Variants in GDF10 observed in about 807,000 individuals in gnomAD.
GDF10 encodes growth differentiation factor 10.
Under a neutral mutation model 32.1 loss-of-function variants are expected in GDF10, and 23 were observed. That is an observed-to-expected ratio of 0.72 (90% CI 0.52 to 1.02). The LOEUF is 1.02. Ranked by LOEUF, GDF10 falls within the 50% of genes least tolerant of loss-of-function variation. GDF10 has a pLI of 0.00. For missense variants in GDF10, 764 were observed against 673.9 expected (o/e 1.13, Z -1.48); for synonymous variants, 328 against 303.1 (o/e 1.08, Z -0.85).
In GDF10 at chr10:47,305,254, C is replaced by T. The variant is rs572452487; in HGVS notation, c.319+4284C>T. ...TTCCTGAGGCCATAACTGTTCTGAG[C>T]CCTTGCTGGGTGCCAGGCACAGTGC... On this transcript the variant is annotated intron_variant, in intron 1 of 2. Transcript: ENST00000580279. Among the ~76,000 whole-genome samples the T allele has an allele frequency of 6.6e-5, 10 of 152,314 alleles. No homozygotes were observed. In the South Asian group the frequency reaches 2.1e-3, roughly 32 times the overall value.
At chr10:47,306,838 A>G (rs544318618) in intron 1 of GDF10, among the ~76,000 whole-genome samples, 1 of 152,264 alleles carries the variant, frequency 6.6e-6, no homozygotes, top group Admixed American at 6.5e-5. Flanking sequence ...TGGAAGGAGA[A>G]GAACGCCAGT....
chr10:47,310,661 C>G lies in GDF10; in HGVS notation c.1185C>G (p.Ile395Met). Residue 395 changes from isoleucine to methionine, a missense_variant, in exon 2 of 3, where the codon ATC (isoleucine) becomes ATG (methionine). Ile to Met is a conservative substitution (Grantham distance 10). Coordinates refer to ENST00000580279, the MANE Select transcript of GDF10 (RefSeq NM_004962.5). Reference protein sequence around the residue: ...FADIGWNEWIISPKSFDAYYC... With the variant: ...FADIGWNEWIMSPKSFDAYYC... The stretch of plus-strand genomic sequence containing the variant: ...ACATCGGCTGGAATGAATGGATAAT[C>G]TCACCGAAATCTTTTGATGCCTACT... 1 of 1,614,090 alleles carries G rather than the reference C, an allele frequency of 6.2e-7. No homozygotes were observed. The highest frequency in any genetic ancestry group is 8.5e-7 in the Non-Finnish European group (1 of 1,179,922).
Position 47,310,107 on chromosome 10 carries a change from A to G in GDF10, c.631A>G (p.Lys211Glu). 4.3e-6 allele frequency: 7 copies of G among 1,609,464 alleles called. No homozygotes were observed. Among genetic ancestry groups the G allele is most frequent in the Non-Finnish European group, 5.9e-6 (7 of 1,179,028 alleles). The change falls in exon 2 of 3, where the codon AAG becomes GAG. Residue 211 changes from lysine to glutamate, a missense_variant. Coordinates refer to ENST00000580279, the MANE Select transcript of GDF10 (RefSeq NM_004962.5). Reference protein sequence around the residue: ...WQAKDISPIVKAARRDGELLL... With the variant: ...WQAKDISPIVEAARRDGELLL... ...GGCCAAGGACATCTCCCCCATCGTC[A>G]AGGCGGCCCGCCGGGATGGCGAGCT...
rs34420310 is a variant in GDF10, at chr10:47,300,695, A to AGCTGCTGCT, written c.56_64dup (p.Leu19_Leu21dup). ...CGGACCAGCCCGGGACCCGGGCCCC[A>AGCTGCTGCT]GCTGCTGCTGCTGCTGCTGCCGTTG... On this transcript the variant is annotated inframe_insertion, in exon 1 of 3. Coordinates refer to ENST00000580279, the MANE Select transcript of GDF10 (RefSeq NM_004962.5). The AGCTGCTGCT allele has an allele frequency of 5.0e-6, 8 of 1,600,384 alleles. No homozygotes were observed. The highest frequency in any genetic ancestry group is 6.8e-6 in the Non-Finnish European group (8 of 1,175,672).
intron 1 of GDF10, among the ~76,000 whole-genome samples, chr10:47,305,295 C>T (rs1387523010): frequency 6.6e-6 from 1 of 152,166 alleles, no homozygotes; most frequent in African/African-American, 2.4e-5. Context: ...GTGCGCTCTG[C>T]AGAGCTGATC....
At position 47,312,683 on chromosome 10, in the gene GDF10, G is replaced by A; in HGVS notation, c.1328G>A (p.Cys443Tyr). The change falls in exon 3 of 3, where the codon TGT becomes TAT. Residue 443 changes from cysteine to tyrosine, a missense_variant. By Grantham distance (194) the Cys-to-Tyr change is radical. Transcript: ENST00000580279. The part of the protein sequence containing the change: ...GIIPGIPEPC[C>Y]VPDKMNSLGV... ...ATCCCTGGCATCCCAGAGCCCTGCT[G>A]TGTTCCCGATAAGATGAACTCCCTT... 1 of 1,611,230 alleles carries A rather than the reference G, an allele frequency of 6.2e-7. No homozygotes were observed. Among genetic ancestry groups the A allele is most frequent in the Non-Finnish European group, 8.5e-7 (1 of 1,178,366 alleles).
Position 47,310,023 on chromosome 10 carries a change from A to G in GDF10, c.547A>G (p.Thr183Ala), listed in dbSNP as rs781881084. The G allele has an allele frequency of 1.2e-6, 2 of 1,608,422 alleles. No individual in the cohort carries two copies. The highest frequency in any genetic ancestry group is 8.5e-7 in the Non-Finnish European group (1 of 1,177,514). ...CCGCAGCCTCTCGCAGAACACGGCC[A>G]CACAGGGGCTACTCCGCGGGGCCAT... ...LFRSLSQNTA[T>A]QGLLRGAMAL... The change falls in exon 2 of 3, where the codon ACA becomes GCA. Residue 183 changes from threonine (T) to alanine (A), a missense_variant. By Grantham distance (58) the Thr-to-Ala change is moderately conservative. Coordinates refer to ENST00000580279, the MANE Select transcript of GDF10 (RefSeq NM_004962.5).
In GDF10 at chr10:47,300,214, C is replaced by G. The variant is rs894235494; in HGVS notation, c.-438C>G. On this transcript the variant is annotated 5_prime_UTR_variant, in exon 1 of 3. Transcript: ENST00000580279. ...ACGCTGCCACACACGGGCGCACGCA[C>G]ACGGCAGCCGGGCCAGGGACGACCC... Among the ~76,000 whole-genome samples, 1 of 151,692 alleles carries G rather than the reference C, an allele frequency of 6.6e-6. No individual in the cohort carries two copies. Among genetic ancestry groups the G allele is most frequent in the African/African-American group, 2.4e-5 (1 of 41,388 alleles).
intron 2 of GDF10, among the ~76,000 whole-genome samples, chr10:47,312,140 G>A (rs1045511618): frequency 5.3e-5 from 8 of 152,196 alleles, no homozygotes; most frequent in Non-Finnish European, 7.3e-5. Flanking sequence ...ACACTGCCAC[G>A]CACATGCCAG....
In GDF10 at chr10:47,309,932, G is replaced by A. The variant is rs782091841; in HGVS notation, c.456G>A (p.Pro152=). Residue 152 remains proline (P), a synonymous_variant, in exon 2 of 3, where the codon CCG becomes CCA. Coordinates refer to ENST00000580279, the MANE Select transcript of GDF10 (RefSeq NM_004962.5). ...WPRALEVLCK[P]RAKNASGRPL... ...GAGCGCTCGAGGTGCTATGCAAGCC[G>A]CGGGCCAAGAACGCTTCAGGCCGCC... 4 of 1,612,752 alleles carry A rather than the reference G, an allele frequency of 2.5e-6. No individual in the cohort carries two copies. Among genetic ancestry groups the A allele is most frequent in the African/African-American group, 1.3e-5 (1 of 74,928 alleles).
intron 2 of GDF10, 31 bp from the exon 3 acceptor site, chr10:47,312,570 G>A: frequency 2.7e-6 from 4 of 1,493,958 alleles, no homozygotes; most frequent in South Asian, 1.3e-5. Context: ...GGGCGGAGCT[G>A]AGGTAACCCT....
At chr10:47,311,733 T>C (rs1312981411) in intron 2 of GDF10, among the ~76,000 whole-genome samples, 4 of 152,316 alleles carry the variant, frequency 2.6e-5, no homozygotes, top group African/African-American at 7.2e-5. Context: ...TGGTTGGCCA[T>C]GCGGTTAGCT....
intron 1 of GDF10, among the ~76,000 whole-genome samples, chr10:47,306,833 G>A (rs1555207215): frequency 6.6e-6 from 1 of 152,182 alleles, no homozygotes; most frequent in Non-Finnish European, 1.5e-5. Context: ...CATGTTGGAA[G>A]GAGAAGAACG....
Position 47,310,439 on chromosome 10 carries a change from C to G in GDF10, c.963C>G (p.His321Gln), listed in dbSNP as rs2061041266. ...PRAHAQHFHK[H>Q]QLWPSPFRAL... is the part of the protein sequence containing the mutation. ...CCCACGCACAGCACTTCCACAAGCACCAGCTGTGGCCCAGCCCCTTCCGGG... is the reference window on the plus strand; with the variant it reads ...CCCACGCACAGCACTTCCACAAGCAGCAGCTGTGGCCCAGCCCCTTCCGGG... The change falls in exon 2 of 3, where the codon CAC becomes CAG. Residue 321 changes from histidine (H) to glutamine (Q), a missense_variant. Coordinates refer to ENST00000580279, the MANE Select transcript of GDF10 (RefSeq NM_004962.5). 1.2e-6 allele frequency: 2 copies of G among 1,613,144 alleles called. No individual in the cohort carries two copies. Among genetic ancestry groups the G allele is most frequent in the Admixed American group, 1.7e-5 (1 of 59,990 alleles).
intron 1 of GDF10, 113 bp from the exon 2 acceptor site, chr10:47,309,683 G>T (rs2061035906): frequency 2.9e-6 from 2 of 686,280 alleles, no homozygotes; most frequent in East Asian, 2.5e-5. Flanking sequence ...CGGGGGAGGA[G>T]GATGGTCCTG....
At chr10:47,307,933 C>G (rs2607873) in intron 1 of GDF10, among the ~76,000 whole-genome samples, 103,816 of 152,106 alleles carry the variant, frequency 0.68, 37,838 homozygotes, top group Non-Finnish European at 0.8. Flanking sequence ...CTTCACTAGG[C>G]TGTTTCTGTG....
intron 1 of GDF10, among the ~76,000 whole-genome samples, chr10:47,301,383 G>A (rs2061004405): frequency 6.6e-6 from 1 of 152,240 alleles, no homozygotes; most frequent in East Asian, 1.9e-4. Context: ...GGCCCTGTCA[G>A]GAAGCAGGAG....
rs1403624178 is a variant in GDF10 at position 47,313,535 on chromosome 10, A to AC, written c.*743_*744insC. The AC allele has an allele frequency of 6.6e-6, 1 of 152,618 alleles. No individual in the cohort carries two copies. The highest frequency in any genetic ancestry group is 1.5e-5 in the Non-Finnish European group (1 of 68,030). The allele number at this position is 152,618 out of a possible 1,614,324, so 9.5% of individuals were successfully genotyped here. A position where few individuals can be genotyped will look rare whatever the true frequency, so the allele number is the denominator to read the frequency against. On this transcript the variant is annotated 3_prime_UTR_variant, in exon 3 of 3. Transcript: ENST00000580279. Reference sequence around the variant, plus strand: ...TAGATTGTGTATGTTATGTGTTTTTATGGAAAGCTAATAAATTAAAGGTAC... The same window carrying AC: ...TAGATTGTGTATGTTATGTGTTTTTACTGGAAAGCTAATAAATTAAAGGTAC...
chr10:47,303,379 T>A (rs2061011161), intron 1 of GDF10, among the ~76,000 whole-genome samples: 1 of 152,246 alleles, frequency 6.6e-6, no homozygotes, highest in African/African-American at 2.4e-5. Context: ...TGCCAAGTGC[T>A]GGCTGTGAGC....
Sources: gnomAD v4.1 joint callset for allele counts (sites outside exome capture counted in the v4.1 genomes callset) on GRCh38, gnomAD v4.1.1 for gene constraint, MANE v1.5 for transcripts, NCBI Gene and HGNC (gene_info 2026-07-23, HGNC 2026-07-21) for gene names.